METTL4: variants seen among roughly 807,000 people sequenced by gnomAD.
METTL4 encodes the protein N(6)-adenine-specific methyltransferase METTL4.
Under a neutral mutation model 54.0 loss-of-function variants are expected in METTL4, and 40 were observed. The observed-to-expected ratio is 0.74, with a 90% CI of 0.58 to 0.96. METTL4 has a LOEUF of 0.96. Ranked by LOEUF, METTL4 falls within the 50% of genes least tolerant of loss-of-function variation. METTL4 has a pLI of 0.00. For missense variants in METTL4, 525 were observed against 549.0 expected, an observed-to-expected ratio of 0.96 and a Z score of 0.44; for synonymous variants, 169 against 183.8, an observed-to-expected ratio of 0.92 and a Z score of 0.65.
rs763885305 is a variant in METTL4, at chr18:2,544,634, GA to G, written c.1181+18del. ...AAAATTAATACATGTATACAATTTTGAAAAATCACCTTTCCTACCTCAATGG... is the reference window on the plus strand; with the variant it reads ...AAAATTAATACATGTATACAATTTTGAAAATCACCTTTCCTACCTCAATGG... On this transcript the variant is annotated intron_variant, in intron 7 of 8. Coordinates refer to ENST00000574538, the MANE Select transcript of METTL4 (RefSeq NM_022840.5). The G allele has an allele frequency of 6.7e-7, 1 of 1,491,242 alleles. No homozygotes were observed. Among genetic ancestry groups the G allele is most frequent in the South Asian group, 1.2e-5 (1 of 85,382 alleles). The allele number at this position is 1,491,242 out of a possible 1,614,324, so 92.4% of individuals were successfully genotyped here.
chr18:2,563,228 C>G (rs763726466), intron 3 of METTL4, among the ~76,000 whole-genome samples: 3 of 152,140 alleles, frequency 2.0e-5, no homozygotes, highest in South Asian at 4.1e-4. Flanking sequence ...AATCTCTAAA[C>G]TTAACCAATA....
At chr18:2,555,108 ATC>A (rs2072220688) in intron 3 of METTL4, 70 bp from the exon 4 acceptor site, 6 of 1,428,734 alleles carry the variant, frequency 4.2e-6, no homozygotes, top group South Asian at 3.7e-5. Flanking sequence ...TGCTTTGAAT[ATC>A]TGAGTTTATA....
chr18:2,568,947 A>G, intron 1 of METTL4: 1 of 227,112 alleles, frequency 4.4e-6, no homozygotes, highest in Non-Finnish European at 9.1e-6. Flanking sequence ...AAGATGTGTA[A>G]CAAAAATTAA....
intron 1 of METTL4, among the ~76,000 whole-genome samples, chr18:2,570,630 C>T (rs1430206601): frequency 6.6e-6 from 1 of 152,000 alleles, no homozygotes; most frequent in Non-Finnish European, 1.5e-5. Flanking sequence ...TAATATAATC[C>T]TTGGTTCCTC....
At position 2,544,648 on chromosome 18, in the gene METTL4, C is replaced by G; in HGVS notation, c.1181+5G>C. On this transcript the variant is annotated splice_donor_5th_base_variant and intron_variant, in intron 7 of 8. Transcript: ENST00000574538. ...TATACAATTTTGAAAAATCACCTTTCCTACCTCAATGGTAGAGCAGTTTTT... is the reference window on the plus strand; with the variant it reads ...TATACAATTTTGAAAAATCACCTTTGCTACCTCAATGGTAGAGCAGTTTTT... 6.4e-7 allele frequency: 1 copy of G among 1,571,174 alleles called. No homozygotes were observed. Among genetic ancestry groups the G allele is most frequent in the Non-Finnish European group, 8.7e-7 (1 of 1,148,764 alleles).
At chr18:2,541,861 A>AAT (rs1203124343) in intron 8 of METTL4, among the ~76,000 whole-genome samples, 3 of 152,194 alleles carry the variant, frequency 2.0e-5, no homozygotes, top group Admixed American at 1.3e-4. Flanking sequence ...TTATATACAG[A>AAT]ATATATATCA....
At chr18:2,541,400 A>C (rs1387035054) in intron 8 of METTL4, among the ~76,000 whole-genome samples, 2 of 152,202 alleles carry the variant, frequency 1.3e-5, no homozygotes, top group East Asian at 1.9e-4. Flanking sequence ...ATGGGGCAGG[A>C]GTAAGAGAGA....
In METTL4 at chr18:2,554,809, T is replaced by C; in HGVS notation, c.689A>G (p.Glu230Gly). ...QLVEEDTSVT[E>G]QDLFLRVVEN... ...AACAACTCGCAAAAATAAATCCTGT[T>C]CTGTAACAGATGTATCCTCTTCCAC... Residue 230 changes from glutamate to glycine, a missense_variant, in exon 4 of 9, where the codon GAA becomes GGA. By Grantham distance (98) the Glu-to-Gly change is moderately conservative. Transcript: ENST00000574538. The C allele has an allele frequency of 6.2e-7, 1 of 1,613,936 alleles. No homozygotes were observed. Among genetic ancestry groups the C allele is most frequent in the Non-Finnish European group, 8.5e-7 (1 of 1,179,894 alleles).
chr18:2,563,678 C>A, intron 3 of METTL4, 119 bp downstream of exon 3: 18 of 495,306 alleles, frequency 3.6e-5, no homozygotes, highest in East Asian at 8.9e-5. Flanking sequence ...ATATTAAGTG[C>A]TAAGCCTGAT....
chr18:2,558,134 A>G (rs956365432), intron 3 of METTL4, among the ~76,000 whole-genome samples: 1 of 152,308 alleles, frequency 6.6e-6, no homozygotes, highest in South Asian at 2.1e-4. Context: ...GCATCTAACA[A>G]TTTTTGGAAA....
intron 3 of METTL4, 62 bp from the exon 4 acceptor site, chr18:2,555,100 C>T (rs1567970340): frequency 6.8e-7 from 1 of 1,471,268 alleles, no homozygotes; most frequent in Non-Finnish European, 9.3e-7. Context: ...ATTGACTGTG[C>T]TTTGAATATC....
chr18:2,564,206 A>T (rs913193475), intron 2 of METTL4, among the ~76,000 whole-genome samples: 1 of 151,678 alleles, frequency 6.6e-6, no homozygotes, highest in South Asian at 2.1e-4. Flanking sequence ...GATCGAGACC[A>T]TCCCGGCTAA....
At position 2,563,139 on chromosome 18, in the gene METTL4, C is replaced by T. The variant is rs189011407; in HGVS notation, c.459+658G>A. Among the ~76,000 whole-genome samples, 857 of 152,272 alleles carry T rather than the reference C, an allele frequency of 5.6e-3. 7 individuals are homozygous for T. The highest frequency in any genetic ancestry group is 7.7e-3 in the Non-Finnish European group (527 of 68,020). On this transcript the variant is annotated intron_variant, in intron 3 of 8. Coordinates refer to ENST00000574538, the MANE Select transcript of METTL4 (RefSeq NM_022840.5). Reference sequence around the variant, plus strand: ...TATCGCTATGTTCTAGAAACATATCCTTCACATTACTCATGCTCTCTTCTG... The same window carrying T: ...TATCGCTATGTTCTAGAAACATATCTTTCACATTACTCATGCTCTCTTCTG...
intron 1 of METTL4, chr18:2,568,930 C>G (rs1425796866): frequency 4.4e-6 from 1 of 227,828 alleles, no homozygotes; most frequent in Admixed American, 4.1e-5. Context: ...GCAGCACTCC[C>G]CTTTGTAAGA....
chr18:2,550,345 A>T (rs2143511680), intron 5 of METTL4, among the ~76,000 whole-genome samples: 1 of 152,262 alleles, frequency 6.6e-6, no homozygotes, highest in East Asian at 1.9e-4. Context: ...GAAAGTATGC[A>T]AAAAAACAGA....
intron 5 of METTL4, among the ~76,000 whole-genome samples, chr18:2,548,426 A>G (rs191236195): frequency 2.0e-5 from 3 of 152,234 alleles, no homozygotes; most frequent in Admixed American, 2.0e-4. Context: ...GTTAACCTCT[A>G]CTGTTCCTCA....
intron 4 of METTL4, 94 bp from the exon 5 acceptor site, chr18:2,552,858 G>T: frequency 2.7e-6 from 2 of 754,472 alleles, no homozygotes; most frequent in East Asian, 2.6e-5. Context: ...ATTTCACTAC[G>T]GACACGAATA....
At chr18:2,542,266 T>C (rs2072002783) in intron 8 of METTL4, among the ~76,000 whole-genome samples, 2 of 151,950 alleles carry the variant, frequency 1.3e-5, no homozygotes. Context: ...GCAGGTTAGT[T>C]ACATATGTAT....
At chr18:2,539,286 G>T in intron 8 of METTL4, 141 bp from the exon 9 acceptor site, 1 of 697,204 alleles carries the variant, frequency 1.4e-6, no homozygotes, top group Non-Finnish European at 2.4e-6. Context: ...TTCATCACAG[G>T]CTTTACTATT....
Sources: gnomAD v4.1 joint callset for allele counts (sites outside exome capture counted in the v4.1 genomes callset) on GRCh38, gnomAD v4.1.1 for gene constraint, MANE v1.5 for transcripts, NCBI Gene and HGNC (gene_info 2026-07-23, HGNC 2026-07-21) for gene names.